Variants in PTPRN2 observed in about 807,000 individuals in gnomAD.
PTPRN2 encodes the protein protein tyrosine phosphatase receptor type N2.
Under a neutral mutation model 118.8 loss-of-function variants are expected in PTPRN2, and 74 were observed. That is an observed-to-expected ratio of 0.62 (90% confidence interval 0.52 to 0.76). The LOEUF (loss-of-function observed/expected upper bound fraction) is 0.76. PTPRN2 is among the 30% of genes least tolerant of loss of function. The probability of loss-of-function intolerance (pLI) is 0.00; values close to 1 mark genes in which losing one functional copy is unlikely to be tolerated. For synonymous variants in PTPRN2, 641 were observed against 608.0 expected (o/e 1.05, Z -0.80); for missense variants, 1,481 against 1,394.4 (o/e 1.06, Z -0.99).
At chr7:157,872,327 C>A (rs112753489) in intron 12 of PTPRN2, among the ~76,000 whole-genome samples, 107 of 97,510 alleles carry the variant, frequency 1.1e-3, no homozygotes, top group East Asian at 4.1e-3. Flanking sequence ...CCCCACACAC[C>A]CATACCCAGT....
At chr7:158,219,543 G>T (rs1828193745) in intron 3 of PTPRN2, among the ~76,000 whole-genome samples, 1 of 151,758 alleles carries the variant, frequency 6.6e-6, no homozygotes, top group South Asian at 2.1e-4. Context: ...CCCAAAGCTA[G>T]CAGAAGAAAA....
chr7:158,449,145 C>T (rs919369668), intron 2 of PTPRN2, among the ~76,000 whole-genome samples: 7 of 152,214 alleles, frequency 4.6e-5, no homozygotes, highest in African/African-American at 1.7e-4. Context: ...TCTTCCCTCC[C>T]AGTGAACACT....
At chr7:158,188,181 C>CCCCCTGTACTGGGAAGGCCGCCACGCTCG (rs1825353107) in intron 5 of PTPRN2, among the ~76,000 whole-genome samples, 1 of 121,576 alleles carries the variant, frequency 8.2e-6, no homozygotes, top group African/African-American at 2.8e-5. Flanking sequence ...GCCACGCTCG[C>CCCCCTGTACTGGGAAGGCCGCCACGCTCG]CCCGCGATGG....
In PTPRN2 at chr7:158,509,959, G is replaced by A. The variant is rs1309313645; in HGVS notation, c.113-20174C>T. Among the ~76,000 whole-genome samples, 1 of 152,202 alleles carries A rather than the reference G, an allele frequency of 6.6e-6. No homozygotes were observed. The highest frequency in any genetic ancestry group is 1.5e-5 in the Non-Finnish European group (1 of 68,042). The stretch of plus-strand genomic sequence containing the variant: ...CTATGAGGGGAGCACGAAGATAGAG[G>A]ACGAGACACAAGTCAAGCCTTAAAA... On this transcript the variant is annotated intron_variant, in intron 1 of 22. Coordinates refer to ENST00000389418, the MANE Select transcript of PTPRN2 (RefSeq NM_002847.5). The surrounding 1 kb of genome is among the most constrained non-coding windows in gnomAD (Gnocchi z 4.4).
chr7:157,891,563 C>T (rs183350152), intron 12 of PTPRN2, among the ~76,000 whole-genome samples: 57 of 151,462 alleles, frequency 3.8e-4, no homozygotes, highest in African/African-American at 1.3e-3. Flanking sequence ...CACACCCCCA[C>T]CCCCCATCCC....
Position 157,609,109 on chromosome 7 carries a change from G to A in PTPRN2, c.2345-5034C>T, listed in dbSNP as rs1027471260. Among the ~76,000 whole-genome samples the A allele has an allele frequency of 2.0e-5, 3 of 152,178 alleles. No individual in the cohort carries two copies. Among genetic ancestry groups the A allele is most frequent in the Non-Finnish European group, 2.9e-5 (2 of 68,036 alleles). On this transcript the variant is annotated intron_variant, in intron 15 of 22. Transcript: ENST00000389418. This position sits in a 1 kb window ranked among gnomAD's most constrained non-coding sequence, Gnocchi z 4.9. Reference sequence around the variant, plus strand: ...TGTTCAACAATATTTCAGGCCGGCCGCGGTGGCTCACACCTATAATCCCAG... The same window carrying A: ...TGTTCAACAATATTTCAGGCCGGCCACGGTGGCTCACACCTATAATCCCAG...
intron 2 of PTPRN2, among the ~76,000 whole-genome samples, chr7:158,487,012 G>A (rs971001226): frequency 3.3e-5 from 5 of 152,248 alleles, no homozygotes; most frequent in South Asian, 2.1e-4. Flanking sequence ...CGTCACATGC[G>A]TGGAATCATT....
chr7:158,579,042 C>T (rs1373253918), intron 1 of PTPRN2, among the ~76,000 whole-genome samples: 3 of 152,140 alleles, frequency 2.0e-5, no homozygotes, highest in African/African-American at 7.2e-5. Context: ...GGATTACAGG[C>T]GTGAGCCACT....
chr7:158,551,497 GC>G (rs1826650095), intron 1 of PTPRN2, among the ~76,000 whole-genome samples: 1 of 149,034 alleles, frequency 6.7e-6, no homozygotes. Flanking sequence ...CATTTGGGGG[GC>G]CCCAGCTCCT....
intron 12 of PTPRN2, among the ~76,000 whole-genome samples, chr7:157,756,533 C>T (rs1563076426): frequency 6.6e-6 from 1 of 152,152 alleles, no homozygotes; most frequent in Non-Finnish European, 1.5e-5. Context: ...ACCTCAGCCT[C>T]CCAAAGTGCT....
chr7:158,313,559 T>A (rs370191093), intron 3 of PTPRN2, among the ~76,000 whole-genome samples: 35 of 152,018 alleles, frequency 2.3e-4, no homozygotes, highest in African/African-American at 8.2e-4. Flanking sequence ...GACCTCTGTC[T>A]CTATGCAAGG....
intron 5 of PTPRN2, among the ~76,000 whole-genome samples, chr7:158,171,232 T>C (rs1340442872): frequency 2.4e-5 from 3 of 125,050 alleles, no homozygotes; most frequent in African/African-American, 3.8e-5. Flanking sequence ...TATACACACA[T>C]ATATATACAC....
At chr7:157,800,403 G>A (rs553545281) in intron 12 of PTPRN2, among the ~76,000 whole-genome samples, 3 of 152,154 alleles carry the variant, frequency 2.0e-5, no homozygotes, top group East Asian at 1.9e-4. Flanking sequence ...GACCCCTAGC[G>A]TGCTTCCCCG....
chr7:157,771,806 C>G (rs1335772299), intron 12 of PTPRN2, among the ~76,000 whole-genome samples: 3 of 147,410 alleles, frequency 2.0e-5, no homozygotes, highest in African/African-American at 7.8e-5. Flanking sequence ...CAGACACAAA[C>G]ACACAGACAC....
intron 11 of PTPRN2, among the ~76,000 whole-genome samples, chr7:158,047,536 T>A (rs1808973041): frequency 6.6e-6 from 1 of 152,028 alleles, no homozygotes; most frequent in South Asian, 2.1e-4. Context: ...TCACTGAGGG[T>A]GCGAGGGCTA....
chr7:158,119,384 C>T (rs868794073), intron 9 of PTPRN2, among the ~76,000 whole-genome samples: 32 of 152,172 alleles, frequency 2.1e-4, no homozygotes, highest in Middle Eastern at 3.4e-3. Flanking sequence ...AAATAGTAAA[C>T]GTTGGCAAAG....
Position 157,632,667 on chromosome 7 carries a change from A to G in PTPRN2, c.2197-11158T>C, listed in dbSNP as rs1804034390. On this transcript the variant is annotated intron_variant, in intron 14 of 22. Transcript: ENST00000389418. This position sits in a 1 kb window ranked among gnomAD's most constrained non-coding sequence, Gnocchi z 4.3. ...GCTGTTTAATAATGGGGATGATGAC[A>G]GAGGCATCACTTTGTATTTCAGGCT... Among the ~76,000 whole-genome samples, 1 of 152,216 alleles carries G rather than the reference A, an allele frequency of 6.6e-6. No homozygotes were observed. Among genetic ancestry groups the G allele is most frequent in the African/African-American group, 2.4e-5 (1 of 41,458 alleles).
intron 1 of PTPRN2, among the ~76,000 whole-genome samples, chr7:158,579,405 T>G (rs11976592): frequency 0.029 from 4,481 of 152,296 alleles, 196 homozygotes; most frequent in African/African-American, 0.097. Context: ...ACAACCACTA[T>G]GACTTATCAG....
intron 3 of PTPRN2, among the ~76,000 whole-genome samples, chr7:158,293,858 G>T (rs1006392409): frequency 6.6e-6 from 1 of 152,126 alleles, no homozygotes; most frequent in Admixed American, 6.5e-5. Context: ...TTGTCCCACA[G>T]GAAGGTCTTC....
Sources: gnomAD v4.1 joint callset for allele counts (sites outside exome capture counted in the v4.1 genomes callset) on GRCh38, gnomAD v4.1.1 for gene constraint, Gnocchi (gnomAD v3.1) non-coding constraint, MANE v1.5 for transcripts, NCBI Gene and HGNC (gene_info 2026-07-23, HGNC 2026-07-21) for gene names.